Variants in NELL2 observed in about 807,000 individuals in gnomAD.
NELL2 encodes the protein neural EGFL like 2, also known as protein kinase C-binding protein NELL2.
In NELL2, 41 loss-of-function variants were observed where a neutral mutation model predicts 109.6. The observed-to-expected ratio is 0.37, with a 90% CI of 0.29 to 0.49. The LOEUF (loss-of-function observed/expected upper bound fraction) is 0.49. NELL2 is among the 20% of genes least tolerant of loss of function. NELL2 has a pLI of 0.98. For synonymous variants in NELL2, 355 were observed against 344.7 expected (o/e 1.03, Z -0.33); for missense variants, 900 against 1,008.3 (o/e 0.89, Z 1.45).
At chr12:44,707,187 C>T (rs1390869341) in intron 11 of NELL2, among the ~76,000 whole-genome samples, 1 of 152,168 alleles carries the variant, frequency 6.6e-6, no homozygotes, top group African/African-American at 2.4e-5. Context: ...TAGAGTCACA[C>T]CAGCCAATGC....
At chr12:44,604,331 A>T (rs1427719382) in intron 15 of NELL2, among the ~76,000 whole-genome samples, 4 of 152,152 alleles carry the variant, frequency 2.6e-5, no homozygotes, top group Admixed American at 2.6e-4. Context: ...AGAAGACCCA[A>T]GTTCTAGAAT....
intron 9 of NELL2, among the ~76,000 whole-genome samples, chr12:44,721,188 G>A (rs1354797987): frequency 3.3e-5 from 5 of 152,100 alleles, no homozygotes; most frequent in Non-Finnish European, 7.4e-5. Context: ...CAATTTAAAT[G>A]GCAATCTAAA....
At chr12:44,881,776 T>C (rs923941383) in intron 1 of NELL2, 1 of 151,914 alleles carries the variant, frequency 6.6e-6, no homozygotes, top group African/African-American at 2.4e-5. Flanking sequence ...GACATAAACT[T>C]ACAGATTCAA....
At chr12:44,521,403 G>A (rs573306826) in intron 18 of NELL2, among the ~76,000 whole-genome samples, 3 of 151,022 alleles carry the variant, frequency 2.0e-5, no homozygotes, top group South Asian at 2.1e-4. Context: ...AGTGGCGGGC[G>A]CCTGTAGTCC....
In NELL2 at chr12:44,618,725, ATAAC is replaced by A. The variant is rs1299384776; in HGVS notation, c.1445-7759_1445-7756del. On this transcript the variant is annotated intron_variant, in intron 13 of 19. Transcript: ENST00000429094. ...ATTCAAGGACTGGTGATACGAATAG[ATAAC>A]TAACTATGATATATTGTAGAAGTTG... Among the ~76,000 whole-genome samples the A allele has an allele frequency of 2.6e-5, 4 of 152,280 alleles. No homozygotes were observed. The South Asian group carries it at 6.2e-4, about 24-fold the overall frequency.
chr12:44,643,937 A>G (rs950683067), intron 13 of NELL2, among the ~76,000 whole-genome samples: 4 of 152,202 alleles, frequency 2.6e-5, no homozygotes, highest in Admixed American at 2.6e-4. Context: ...AAGAGTTTCT[A>G]CTTGGAACAA....
chr12:44,607,531 T>C (rs1945452218), intron 14 of NELL2, among the ~76,000 whole-genome samples: 1 of 152,030 alleles, frequency 6.6e-6, no homozygotes, highest in South Asian at 2.1e-4. Flanking sequence ...ATTTACACAA[T>C]AGGAAGTACA....
chr12:44,684,675 A>G (rs899683561), intron 12 of NELL2, among the ~76,000 whole-genome samples: 3 of 151,764 alleles, frequency 2.0e-5, no homozygotes, highest in African/African-American at 4.8e-5. Context: ...TTCGTTATGT[A>G]CCCACTAGTC....
intron 15 of NELL2, among the ~76,000 whole-genome samples, chr12:44,542,256 T>G (rs1280680134): frequency 6.6e-6 from 1 of 152,002 alleles, no homozygotes; most frequent in Non-Finnish European, 1.5e-5. Context: ...TCTCTCTTAG[T>G]TCTCCTTGTA....
rs1245013554 is a variant in NELL2 at position 44,702,602 on chromosome 12, CT to C, written c.1318+1123del. On this transcript the variant is annotated intron_variant, in intron 12 of 19. Transcript: ENST00000429094. ...ATTAGTTTCCTAAGAAAGTTTACCTCTATGTTATGTAAGGGTAAAAATCCAT... is the reference window on the plus strand; with the variant it reads ...ATTAGTTTCCTAAGAAAGTTTACCTCATGTTATGTAAGGGTAAAAATCCAT... Among the ~76,000 whole-genome samples the C allele has an allele frequency of 3.9e-5, 6 of 152,050 alleles. No individual in the cohort carries two copies. The East Asian group carries it at 1.2e-3, about 29-fold the overall frequency.
At chr12:44,525,031 A>T (rs954941457) in intron 16 of NELL2, among the ~76,000 whole-genome samples, 1 of 152,334 alleles carries the variant, frequency 6.6e-6, no homozygotes, top group African/African-American at 2.4e-5. Flanking sequence ...TAAGAATTAT[A>T]ATAAGCCAGA....
chr12:44,529,378 T>C (rs933720614), intron 16 of NELL2, among the ~76,000 whole-genome samples: 3 of 152,194 alleles, frequency 2.0e-5, no homozygotes, highest in Non-Finnish European at 4.4e-5. Context: ...TGAAAAGTTC[T>C]GTTTTAGTCG....
intron 9 of NELL2, among the ~76,000 whole-genome samples, chr12:44,760,959 C>T (rs1194135802): frequency 1.3e-5 from 2 of 152,042 alleles, no homozygotes; most frequent in Non-Finnish European, 1.5e-5. Context: ...ATATTTGCAA[C>T]ATATATATTA....
At chr12:44,697,199 T>C (rs1042398754) in intron 12 of NELL2, among the ~76,000 whole-genome samples, 1 of 152,134 alleles carries the variant, frequency 6.6e-6, no homozygotes, top group Non-Finnish European at 1.5e-5. Context: ...TATACATACA[T>C]TTAAGAACCA....
In NELL2 at chr12:44,864,596, A is replaced by T. The variant is rs374080918; in HGVS notation, c.184+10629T>A. Among the ~76,000 whole-genome samples the T allele has an allele frequency of 1.3e-4, 20 of 152,360 alleles. No homozygotes were observed. The South Asian group carries it at 4.1e-3, about 32-fold the overall frequency. Reference sequence around the variant, plus strand: ...TTAATATATCTAAAAGAAGAGATAGACTGCAATACAATACAATAGCACTAG... The same window carrying T: ...TTAATATATCTAAAAGAAGAGATAGTCTGCAATACAATACAATAGCACTAG... On this transcript the variant is annotated intron_variant, in intron 2 of 19. Coordinates refer to ENST00000429094, the MANE Select transcript of NELL2 (RefSeq NM_001145108.2).
At chr12:44,784,790 A>T (rs1477073321) in intron 3 of NELL2, among the ~76,000 whole-genome samples, 1 of 152,216 alleles carries the variant, frequency 6.6e-6, no homozygotes, top group Non-Finnish European at 1.5e-5. Flanking sequence ...ACATATGATT[A>T]TCTCAATAGA....
At chr12:44,579,262 A>G (rs1285160346) in intron 15 of NELL2, among the ~76,000 whole-genome samples, 1 of 152,234 alleles carries the variant, frequency 6.6e-6, no homozygotes, top group African/African-American at 2.4e-5. Flanking sequence ...AGTTTGGATT[A>G]GCTCACAGAA....
chr12:44,779,467 A>T (rs187389666), intron 5 of NELL2, among the ~76,000 whole-genome samples, 196 bp downstream of exon 5: 2 of 151,914 alleles, frequency 1.3e-5, no homozygotes, highest in African/African-American at 4.9e-5. Context: ...ATATCTAACA[A>T]TTAAACTCAT....
intron 1 of NELL2, among the ~76,000 whole-genome samples, chr12:44,889,702 C>A (rs1013041904): frequency 7.3e-5 from 11 of 150,668 alleles, no homozygotes; most frequent in Non-Finnish European, 1.5e-4. Flanking sequence ...AAACTTAAAT[C>A]CATAAACAAT....
Sources: gnomAD v4.1 joint callset for allele counts (sites outside exome capture counted in the v4.1 genomes callset) on GRCh38, gnomAD v4.1.1 for gene constraint, MANE v1.5 for transcripts, NCBI Gene and HGNC (gene_info 2026-07-23, HGNC 2026-07-21) for gene names.